PLEKHM3: variants seen among roughly 807,000 people sequenced by gnomAD.
PLEKHM3 encodes pleckstrin homology domain containing M3, also known as pleckstrin homology domain-containing family M member 3.
Under a neutral mutation model 81.8 loss-of-function variants are expected in PLEKHM3, and 45 were observed. The observed-to-expected ratio is 0.55, with a 90% confidence interval of 0.43 to 0.71. The LOEUF (loss-of-function observed/expected upper bound fraction) is 0.71, where lower values mean the gene tolerates loss of function less well. Ranked by LOEUF, PLEKHM3 falls within the 30% of genes least tolerant of loss-of-function variation. The pLI is 0.00. For synonymous variants in PLEKHM3, 352 were observed against 356.4 expected, an observed-to-expected ratio of 0.99 and a Z score of 0.14; for missense variants, 788 against 924.3, an observed-to-expected ratio of 0.85 and a Z score of 1.91.
chr2:207,867,852 T>C (rs77408811), intron 6 of PLEKHM3, among the ~76,000 whole-genome samples: 1,932 of 152,212 alleles, frequency 0.013, 40 homozygotes, highest in Admixed American at 0.04. Context: ...TAAGGGGCCA[T>C]ATTATACAAA....
At chr2:207,994,500 T>C (rs1692005387) in intron 2 of PLEKHM3, among the ~76,000 whole-genome samples, 1 of 152,106 alleles carries the variant, frequency 6.6e-6, no homozygotes, top group African/African-American at 2.4e-5. Flanking sequence ...CCATTCTTTT[T>C]TTTTTTTCAT....
At chr2:207,974,020 C>A (rs1207405731) in intron 3 of PLEKHM3, among the ~76,000 whole-genome samples, 3 of 152,152 alleles carry the variant, frequency 2.0e-5, no homozygotes, top group Non-Finnish European at 4.4e-5. Context: ...TCAAGCAGTG[C>A]AAATAAATTT....
chr2:207,939,000 C>A (rs1689849829), intron 4 of PLEKHM3, among the ~76,000 whole-genome samples: 1 of 152,146 alleles, frequency 6.6e-6, no homozygotes, highest in Non-Finnish European at 1.5e-5. Context: ...TCAGTGCCAC[C>A]TTTTCTGCTT....
chr2:207,934,403 A>G (rs1017078803), intron 4 of PLEKHM3, among the ~76,000 whole-genome samples: 5 of 152,228 alleles, frequency 3.3e-5, no homozygotes. Context: ...TCACATTAGT[A>G]TTAGTATTGA....
At chr2:207,988,724 G>A (rs867648082) in intron 2 of PLEKHM3, among the ~76,000 whole-genome samples, 2 of 152,042 alleles carry the variant, frequency 1.3e-5, no homozygotes, top group South Asian at 2.1e-4. Flanking sequence ...GGCTGAACCC[G>A]TCTTCTTCCT....
intron 6 of PLEKHM3, among the ~76,000 whole-genome samples, chr2:207,869,419 CTTGAGAAAAGG>C (rs1220432546): frequency 6.6e-6 from 1 of 152,142 alleles, no homozygotes; most frequent in East Asian, 1.9e-4. Context: ...GCCCTATCTC[CTTGAGAAAAGG>C]CAGATGTCCA....
intron 1 of PLEKHM3, among the ~76,000 whole-genome samples, chr2:208,002,265 CTAAAATAG>C (rs1393469659): frequency 2.6e-5 from 4 of 152,126 alleles, no homozygotes; most frequent in Non-Finnish European, 5.9e-5. Context: ...ATATGCTGAC[CTAAAATAG>C]TAAGCAAAAG....
chr2:208,001,128 T>C lies in PLEKHM3; in HGVS notation c.512A>G (p.Gln171Arg). The C allele has an allele frequency of 1.9e-6, 3 of 1,606,190 alleles. No individual in the cohort carries two copies. The highest frequency in any genetic ancestry group is 3.3e-4 in the Middle Eastern group (2 of 6,046). The change falls in exon 2 of 8, where the codon CAG (glutamine) becomes CGG (arginine). Residue 171 changes from glutamine (Q) to arginine (R), a missense_variant. Physicochemically the swap from Gln to Arg is conservative, Grantham distance 43. Coordinates refer to ENST00000427836, the MANE Select transcript of PLEKHM3 (RefSeq NM_001080475.3). ...VVLKTTPLQQ[Q>R]QQQQPLLQGP... is the part of the protein sequence containing the mutation. ...TTGAAGCAATGGCTGCTGCTGTTGC[T>C]GCTGCTGCAAAGGCGTGGTTTTGAG...
chr2:207,850,267 C>G (rs1408904141), intron 7 of PLEKHM3, among the ~76,000 whole-genome samples: 1 of 152,214 alleles, frequency 6.6e-6, no homozygotes, highest in Non-Finnish European at 1.5e-5. Context: ...ACACCATATT[C>G]AAACCATAGC....
intron 6 of PLEKHM3, among the ~76,000 whole-genome samples, chr2:207,889,642 T>C (rs1025777926): frequency 6.6e-6 from 1 of 151,972 alleles, no homozygotes; most frequent in Non-Finnish European, 1.5e-5. Flanking sequence ...AAGCTCAGAC[T>C]GGAAGAGGTG....
intron 6 of PLEKHM3, among the ~76,000 whole-genome samples, chr2:207,865,636 C>T (rs1396315208): frequency 2.0e-5 from 3 of 150,094 alleles, no homozygotes; most frequent in Admixed American, 6.7e-5. Flanking sequence ...AAAAATTAGC[C>T]GGGCATGGTG....
chr2:208,008,268 A>G (rs1692564924), intron 1 of PLEKHM3, among the ~76,000 whole-genome samples: 2 of 151,702 alleles, frequency 1.3e-5, no homozygotes, highest in South Asian at 4.2e-4. Flanking sequence ...AATAATTTAT[A>G]TAATTTTTTT....
intron 1 of PLEKHM3, among the ~76,000 whole-genome samples, chr2:208,020,527 A>G (rs578154812): frequency 4.6e-5 from 7 of 152,330 alleles, no homozygotes; most frequent in African/African-American, 1.7e-4. Flanking sequence ...ATCCCACAGT[A>G]GCCAATGAAA....
intron 3 of PLEKHM3, among the ~76,000 whole-genome samples, chr2:207,961,174 G>A (rs941787764): frequency 2.0e-5 from 3 of 152,142 alleles, no homozygotes; most frequent in African/African-American, 7.2e-5. Flanking sequence ...ATGCCTCCCA[G>A]CCACCACATC....
At chr2:207,942,484 A>G (rs1318811281) in intron 4 of PLEKHM3, among the ~76,000 whole-genome samples, 1 of 152,222 alleles carries the variant, frequency 6.6e-6, no homozygotes, top group Non-Finnish European at 1.5e-5. Context: ...TGCACTCCAC[A>G]CCTTGAAAAA....
chr2:207,858,180 A>ATATATAT (rs751293954), intron 7 of PLEKHM3, among the ~76,000 whole-genome samples: 1 of 103,846 alleles, frequency 9.6e-6, no homozygotes, highest in African/African-American at 3.7e-5. Flanking sequence ...GTGTGTATAT[A>ATATATAT]TTTTTTTTTT....
chr2:207,851,258 T>G (rs1450559156), intron 7 of PLEKHM3: 1 of 152,150 alleles, frequency 6.6e-6, no homozygotes, highest in Non-Finnish European at 1.5e-5. Flanking sequence ...ATTTTATCAT[T>G]GTTTTGTCAA....
At chr2:207,989,661 C>T (rs1407827805) in intron 2 of PLEKHM3, among the ~76,000 whole-genome samples, 2 of 152,170 alleles carry the variant, frequency 1.3e-5, no homozygotes, top group Non-Finnish European at 2.9e-5. Context: ...TTCTTTCCAC[C>T]TACCAATCAT....
chr2:207,870,724 A>C (rs2092529183), intron 6 of PLEKHM3, among the ~76,000 whole-genome samples: 1 of 152,240 alleles, frequency 6.6e-6, no homozygotes, highest in South Asian at 2.1e-4. Flanking sequence ...ATTCTGCTCA[A>C]GCTTGAAAAT....
Sources: allele counts gnomAD v4.1 joint callset (sites outside exome capture counted in the v4.1 genomes callset), GRCh38; gene constraint gnomAD v4.1.1; transcripts MANE v1.5; gene names NCBI Gene and HGNC (gene_info 2026-07-23, HGNC 2026-07-21).